The following TRABD2B variants were observed in gnomAD, a reference collection of about 807,000 sequenced individuals.
TRABD2B encodes the protein metalloprotease TIKI2.
In TRABD2B, 14 loss-of-function variants were observed where a neutral mutation model predicts 40.1. That is an observed-to-expected ratio of 0.35 (90% CI 0.23 to 0.55). TRABD2B has a LOEUF of 0.55. Among genes scored for constraint, TRABD2B ranks in the 20% least tolerant of loss-of-function variants. The pLI, the probability that TRABD2B is intolerant of heterozygous loss-of-function variation, is 0.90. For synonymous variants in TRABD2B, 263 were observed against 277.0 expected, an observed-to-expected ratio of 0.95 and a Z score of 0.50; for missense variants, 541 against 648.6, an observed-to-expected ratio of 0.83 and a Z score of 1.80.
intron 3 of TRABD2B, 62 bp downstream of exon 3, chr1:47,801,411 C>G: frequency 2.0e-6 from 3 of 1,470,490 alleles, no homozygotes; most frequent in Non-Finnish European, 2.7e-6. Flanking sequence ...ATTACCTATG[C>G]CTGGCACGTC....
At chr1:47,911,578 C>T (rs1417473817) in intron 2 of TRABD2B, among the ~76,000 whole-genome samples, 2 of 152,236 alleles carry the variant, frequency 1.3e-5, no homozygotes, top group East Asian at 3.8e-4. Flanking sequence ...GCGAACACCA[C>T]CCTCATGTGG....
intron 2 of TRABD2B, among the ~76,000 whole-genome samples, chr1:47,920,094 T>C (rs1644881977): frequency 6.6e-6 from 1 of 152,182 alleles, no homozygotes; most frequent in African/African-American, 2.4e-5. Context: ...GGTACATGTA[T>C]AGTAAGATGA....
chr1:47,840,139 C>G (rs912942130), intron 2 of TRABD2B, among the ~76,000 whole-genome samples: 3 of 152,066 alleles, frequency 2.0e-5, no homozygotes, highest in Admixed American at 6.5e-5. Context: ...GACCATGAGT[C>G]CTGGTCACTA....
At chr1:47,980,958 C>T (rs1190018172) in intron 2 of TRABD2B, among the ~76,000 whole-genome samples, 1 of 152,196 alleles carries the variant, frequency 6.6e-6, no homozygotes, top group Non-Finnish European at 1.5e-5. Context: ...GCTGTCGCCT[C>T]TACTCTCAGA....
intron 2 of TRABD2B, among the ~76,000 whole-genome samples, chr1:47,863,854 G>T (rs188590267): frequency 6.6e-6 from 1 of 152,118 alleles, no homozygotes; most frequent in Non-Finnish European, 1.5e-5. Context: ...CATGATGTCC[G>T]TCAGTAGATT....
chr1:47,938,350 T>C (rs554455487), intron 2 of TRABD2B, among the ~76,000 whole-genome samples: 1 of 152,362 alleles, frequency 6.6e-6, no homozygotes, highest in South Asian at 2.1e-4. Context: ...GTCCCAGCTC[T>C]ATCTGTCTCT....
intron 2 of TRABD2B, among the ~76,000 whole-genome samples, chr1:47,905,041 A>G (rs1312356511): frequency 6.6e-6 from 1 of 152,176 alleles, no homozygotes; most frequent in Admixed American, 6.5e-5. Context: ...ACACAGGCTG[A>G]GCCTGCTTTC....
intron 3 of TRABD2B, among the ~76,000 whole-genome samples, chr1:47,795,913 G>A (rs890259854): frequency 1.2e-4 from 18 of 152,110 alleles, no homozygotes; most frequent in Admixed American, 7.2e-4. Flanking sequence ...CACACTATAC[G>A]CCCAGCCACA....
At chr1:47,823,053 C>G (rs777798070) in intron 2 of TRABD2B, among the ~76,000 whole-genome samples, 1 of 152,246 alleles carries the variant, frequency 6.6e-6, no homozygotes, top group Non-Finnish European at 1.5e-5. Flanking sequence ...GCTGGTGAGG[C>G]ATTCAGGGCA....
At chr1:47,838,370 G>A (rs547276728) in intron 2 of TRABD2B, among the ~76,000 whole-genome samples, 1 of 152,202 alleles carries the variant, frequency 6.6e-6, no homozygotes, top group Non-Finnish European at 1.5e-5. Flanking sequence ...GACTTCCCAA[G>A]GAGGTGGTGA....
intron 2 of TRABD2B, among the ~76,000 whole-genome samples, chr1:47,895,761 A>G (rs1170969295): frequency 6.6e-6 from 1 of 152,186 alleles, no homozygotes; most frequent in Non-Finnish European, 1.5e-5. Context: ...CTCTGGGCTG[A>G]AAGGGGCCCA....
intron 2 of TRABD2B, among the ~76,000 whole-genome samples, chr1:47,840,001 A>G (rs576717233): frequency 6.6e-6 from 1 of 152,234 alleles, no homozygotes; most frequent in African/African-American, 2.4e-5. Flanking sequence ...TCTCCCCTGT[A>G]AACTGTGAGT....
At chr1:47,898,661 A>T (rs917545173) in intron 2 of TRABD2B, among the ~76,000 whole-genome samples, 4 of 152,202 alleles carry the variant, frequency 2.6e-5, no homozygotes, top group African/African-American at 9.7e-5. Context: ...GAACTTATCC[A>T]AGGCTATATA....
At chr1:47,840,956 G>A (rs979150600) in intron 2 of TRABD2B, among the ~76,000 whole-genome samples, 1 of 152,176 alleles carries the variant, frequency 6.6e-6, no homozygotes, top group Non-Finnish European at 1.5e-5. Context: ...GACAGGGAAG[G>A]AAAGAGAGAG....
intron 2 of TRABD2B, among the ~76,000 whole-genome samples, chr1:47,914,689 C>G (rs1313062962): frequency 6.6e-6 from 1 of 152,232 alleles, no homozygotes; most frequent in Non-Finnish European, 1.5e-5. Context: ...CTGGACCCGG[C>G]CCCCTCCATA....
At chr1:47,805,014 C>T (rs1644872171) in intron 2 of TRABD2B, among the ~76,000 whole-genome samples, 1 of 152,184 alleles carries the variant, frequency 6.6e-6, no homozygotes, top group South Asian at 2.1e-4. Flanking sequence ...TACCCTGGAG[C>T]CTAGTTTGAG....
intron 2 of TRABD2B, among the ~76,000 whole-genome samples, chr1:47,944,017 T>C (rs764888713): frequency 2.3e-4 from 35 of 152,202 alleles, no homozygotes; most frequent in Non-Finnish European, 4.1e-4. Flanking sequence ...TAATATATGC[T>C]ATGCACTGTC....
intron 2 of TRABD2B, among the ~76,000 whole-genome samples, chr1:47,818,404 G>A (rs546339785): frequency 1.3e-5 from 2 of 152,360 alleles, no homozygotes; most frequent in Admixed American, 6.5e-5. Flanking sequence ...TCTCTGACAG[G>A]AGTGGGGTGT....
At chr1:47,775,664 C>G (rs2124056419) in intron 5 of TRABD2B, among the ~76,000 whole-genome samples, 1 of 152,348 alleles carries the variant, frequency 6.6e-6, no homozygotes, top group African/African-American at 2.4e-5. Context: ...TACTGAGCAC[C>G]AACCCTGTCC....
Sources: allele counts gnomAD v4.1 joint callset (sites outside exome capture counted in the v4.1 genomes callset), GRCh38; gene constraint gnomAD v4.1.1; transcripts MANE v1.5; gene names NCBI Gene and HGNC (gene_info 2026-07-23, HGNC 2026-07-21).